Variants in NASP observed in about 807,000 individuals in gnomAD.
The protein encoded by NASP is nuclear autoantigenic sperm protein, also known as NASP histone chaperone.
A neutral mutation model predicts 89.5 loss-of-function variants in NASP; 24 were observed. That is an observed-to-expected ratio of 0.27 (90% CI 0.19 to 0.38). The LOEUF is 0.38. Ranked by LOEUF, NASP falls within the 10% of genes least tolerant of loss-of-function variation. The pLI is 1.00. For synonymous variants in NASP, 306 were observed against 324.7 expected (o/e 0.94, Z 0.62); for missense variants, 848 against 921.4 (o/e 0.92, Z 1.03).
intron 1 of NASP, among the ~76,000 whole-genome samples, chr1:45,586,258 GT>G (rs1038043443): frequency 3.9e-5 from 2 of 51,528 alleles, no homozygotes; most frequent in African/African-American, 6.9e-5. Context: ...GTGTGTGTGT[GT>G]GTGTGTGTGT....
Position 45,584,086 on chromosome 1 carries a change from A to T in NASP, c.-61A>T. 1 of 1,486,130 alleles carries T rather than the reference A, an allele frequency of 6.7e-7. No homozygotes were observed. The allele number at this position is 1,486,130 out of a possible 1,614,324, so 92.1% of individuals were successfully genotyped here. On this transcript the variant is annotated 5_prime_UTR_variant, in exon 1 of 15. Coordinates refer to ENST00000350030, the MANE Select transcript of NASP (RefSeq NM_002482.4). Reference sequence around the variant, plus strand: ...TCCCTGAGTGAGTCTCTGGCGTCCCAAATTGCCTGTTTTTCTCGCAGGCTC... The same window carrying T: ...TCCCTGAGTGAGTCTCTGGCGTCCCTAATTGCCTGTTTTTCTCGCAGGCTC...
At chr1:45,589,526 C>A (rs1446860513) in intron 1 of NASP, among the ~76,000 whole-genome samples, 1 of 152,122 alleles carries the variant, frequency 6.6e-6, no homozygotes, top group East Asian at 1.9e-4. Flanking sequence ...TCTAAAAATT[C>A]ATAATGAACG....
Position 45,597,298 on chromosome 1 carries a change from CT to C in NASP, c.108-4933del, listed in dbSNP as rs71056314. Among the ~76,000 whole-genome samples the C allele has an allele frequency of 2.8e-3, 275 of 99,848 alleles. 1 individual carries two copies. Among genetic ancestry groups the C allele is most frequent in the East Asian group, 0.023 (62 of 2,712 alleles). The allele number at this position is 99,848 out of a possible 152,430, so 65.5% of individuals were successfully genotyped here. ...CTCTAGCCTGGGCGACAGAGCAAGA[CT>C]TTTTTTTTTTTTTTTTTTTTTTTAA... On this transcript the variant is annotated intron_variant, in intron 2 of 14. Coordinates refer to ENST00000350030, the MANE Select transcript of NASP (RefSeq NM_002482.4).
In NASP at chr1:45,618,074, C is replaced by T; in HGVS notation, c.2300C>T (p.Ala767Val). 4 of 1,601,710 alleles carry T rather than the reference C, an allele frequency of 2.5e-6. No individual in the cohort carries two copies. Among genetic ancestry groups the T allele is most frequent in the Non-Finnish European group, 3.4e-6 (4 of 1,173,940 alleles). The change falls in exon 15 of 15, where the codon GCT becomes GTT. Residue 767 changes from alanine (A) to valine (V), a missense_variant. Around this residue, in one of 5 missense-constraint regions of NASP, gnomAD observed 218 missense variants for 219.6 expected, o/e 0.99. Transcript: ENST00000350030. ...TTTGTCTTCCAGGCTGAGAATCAGGCTGAAAGCCGGGCAGCAGTGGAGGGG... is the reference window on the plus strand; with the variant it reads ...TTTGTCTTCCAGGCTGAGAATCAGGTTGAAAGCCGGGCAGCAGTGGAGGGG... ...ENMEEEAENQ[A>V]ESRAAVEGTV...
chr1:45,600,497 CA>C (rs1208532772), intron 2 of NASP: 1 of 1,094,398 alleles, frequency 9.1e-7, no homozygotes, highest in East Asian at 8.1e-5. Context: ...TTTGATTCAG[CA>C]TAATTATTTT....
intron 9 of NASP, 31 bp downstream of exon 9, chr1:45,614,397 C>G: frequency 1.3e-6 from 2 of 1,489,440 alleles, no homozygotes; most frequent in South Asian, 1.1e-5. Flanking sequence ...TACTCTCCTA[C>G]TCTCTTCAGC....
intron 2 of NASP, among the ~76,000 whole-genome samples, chr1:45,595,281 A>G (rs964819399): frequency 4.0e-5 from 6 of 151,758 alleles, no homozygotes; most frequent in Admixed American, 3.3e-4. Flanking sequence ...AGTTGTTGGA[A>G]TTACAGGCAT....
rs1643909772 is a variant in NASP at position 45,606,465 on chromosome 1, T to C, written c.300-17T>C. ...TTCTAGCCATCAAACCTTTGGTGCT[T>C]TCTTTTGTTCTCCTAGAATGGAGAA... On this transcript the variant is annotated splice_polypyrimidine_tract_variant and intron_variant, in intron 4 of 14. Coordinates refer to ENST00000350030, the MANE Select transcript of NASP (RefSeq NM_002482.4). 2 of 1,592,664 alleles carry C rather than the reference T, an allele frequency of 1.3e-6. No individual in the cohort carries two copies. The highest frequency in any genetic ancestry group is 2.7e-5 in the African/African-American group (2 of 74,532).
At chr1:45,614,417 C>T in intron 9 of NASP, 51 bp downstream of exon 9, 1 of 1,390,440 alleles carries the variant, frequency 7.2e-7, no homozygotes, top group African/African-American at 1.4e-5. Flanking sequence ...CTCCCTCGTT[C>T]TTCCTCTAAT....
chr1:45,595,046 A>T (rs1346794913), intron 2 of NASP, among the ~76,000 whole-genome samples: 2 of 151,664 alleles, frequency 1.3e-5, no homozygotes, highest in Non-Finnish European at 2.9e-5. Context: ...AGGCTGGAGT[A>T]CAGTGGGTCC....
intron 1 of NASP, among the ~76,000 whole-genome samples, chr1:45,587,617 T>C (rs1644571159): frequency 6.9e-6 from 1 of 144,352 alleles, no homozygotes; most frequent in Non-Finnish European, 1.5e-5. Flanking sequence ...ATACATTTTG[T>C]TAATTCAACA....
chr1:45,613,702 C>G (rs974508664), intron 7 of NASP, among the ~76,000 whole-genome samples: 2 of 152,158 alleles, frequency 1.3e-5, no homozygotes, highest in African/African-American at 4.8e-5. Flanking sequence ...GCTGCCCAGG[C>G]TGGTCTCAAA....
In NASP at chr1:45,615,452, T is replaced by G. The variant is rs1246908963; in HGVS notation, c.2003T>G (p.Leu668Arg). The change falls in exon 11 of 15, where the codon CTG (leucine) becomes CGG (arginine). Residue 668 changes from leucine (L) to arginine (R), a missense_variant. Transcript: ENST00000350030. ...ESQRSGNVAE[L>R]ALKATLVESS... ...CAGCGTAGTGGGAATGTAGCTGAACTGGCTCTGAAAGCTACTCTGGTTGGT... is the reference window on the plus strand; with the variant it reads ...CAGCGTAGTGGGAATGTAGCTGAACGGGCTCTGAAAGCTACTCTGGTTGGT... 1 of 1,613,088 alleles carries G rather than the reference T, an allele frequency of 6.2e-7. No individual in the cohort carries two copies. Among genetic ancestry groups the G allele is most frequent in the Non-Finnish European group, 8.5e-7 (1 of 1,179,784 alleles).
At chr1:45,589,948 T>C (rs372111507) in intron 1 of NASP, among the ~76,000 whole-genome samples, 1 of 152,116 alleles carries the variant, frequency 6.6e-6, no homozygotes, top group East Asian at 1.9e-4. Flanking sequence ...AGATAGGACA[T>C]GAACATCCAT....
rs143372420 is a variant in NASP, at chr1:45,607,438, G to A, written c.527G>A (p.Ser176Asn). The A allele has an allele frequency of 1.3e-5, 21 of 1,613,858 alleles. No homozygotes were observed. Among genetic ancestry groups the A allele is most frequent in the Non-Finnish European group, 1.8e-5 (21 of 1,179,944 alleles). ...CCTGAAACTGATAAAGAACAGGACA[G>A]TGAAATGGAGAAGGGTGGAAGAGAA... ...AKPETDKEQD[S>N]EMEKGGREDM... The change falls in exon 6 of 15, where the codon AGT becomes AAT. Residue 176 changes from serine (S) to asparagine (N), a missense_variant. Ser to Asn is a conservative substitution (Grantham distance 46). Around this residue, in one of 5 missense-constraint regions of NASP, gnomAD observed 464 missense variants for 469.4 expected, o/e 0.99. Coordinates refer to ENST00000350030, the MANE Select transcript of NASP (RefSeq NM_002482.4).
chr1:45,606,106 A>G (rs1643905383), intron 4 of NASP, among the ~76,000 whole-genome samples: 1 of 152,216 alleles, frequency 6.6e-6, no homozygotes, highest in African/African-American at 2.4e-5. Context: ...GTAATCATAC[A>G]GAACTTTCTC....
At chr1:45,589,921 A>G (rs1432000706) in intron 1 of NASP, among the ~76,000 whole-genome samples, 1 of 152,130 alleles carries the variant, frequency 6.6e-6, no homozygotes, top group African/African-American at 2.4e-5. Context: ...AAACTGAATC[A>G]GACATACCTA....
chr1:45,613,037 A>G lies in NASP; in HGVS notation c.1427-132A>G, dbSNP rs181244550. 1.3e-3 allele frequency: 1,644 copies of G among 1,268,152 alleles called. 1 individual carries two copies. Among genetic ancestry groups the G allele is most frequent in the Non-Finnish European group, 1.6e-3 (1,547 of 955,538 alleles). The allele number at this position is 1,268,152 out of a possible 1,614,324, so 78.6% of individuals were successfully genotyped here. On this transcript the variant is annotated intron_variant, in intron 6 of 14. Transcript: ENST00000350030. ...CACCCACTGACGATATATTCAGTTC[A>G]GGTGTTAACTCACTTGGATTAGCAT...
intron 11 of NASP, chr1:45,615,718 G>C: frequency 2.3e-6 from 1 of 442,314 alleles, no homozygotes; most frequent in Non-Finnish European, 4.0e-6. Flanking sequence ...GTAAAATGGG[G>C]ATAATACAGG....
Sources: allele counts gnomAD v4.1 joint callset (sites outside exome capture counted in the v4.1 genomes callset), GRCh38; gene constraint gnomAD v4.1.1; regional missense constraint gnomAD v4.1.1; transcripts MANE v1.5; gene names NCBI Gene and HGNC (gene_info 2026-07-23, HGNC 2026-07-21).